Variants in CD6 observed in about 807,000 individuals in gnomAD.
CD6 encodes the protein T-cell differentiation antigen CD6.
A neutral mutation model predicts 75.3 loss-of-function variants in CD6; 53 were observed. The observed-to-expected ratio is 0.70, with a 90% CI of 0.56 to 0.88. CD6 has a LOEUF of 0.88. Ranked by LOEUF, CD6 falls within the 40% of genes least tolerant of loss-of-function variation. The pLI is 0.00. For missense variants in CD6, 770 were observed against 897.1 expected (o/e 0.86, Z 1.81); for synonymous variants, 359 against 381.5 (o/e 0.94, Z 0.69).
chr11:61,017,579 G>A (rs1859467623), intron 10 of CD6, 29 bp downstream of exon 10: 2 of 1,557,212 alleles, frequency 1.3e-6, no homozygotes, highest in Admixed American at 1.9e-5. Flanking sequence ...GGGTGTGAAT[G>A]GCAGTCCCAC....
At chr11:61,011,336 G>T (rs1484642774) in intron 6 of CD6, among the ~76,000 whole-genome samples, 1 of 152,080 alleles carries the variant, frequency 6.6e-6, no homozygotes, top group African/African-American at 2.4e-5. Flanking sequence ...TGCCAAGTCA[G>T]CCCATAGATC....
At chr11:60,980,069 T>C (rs1450224828) in intron 1 of CD6, among the ~76,000 whole-genome samples, 1 of 152,194 alleles carries the variant, frequency 6.6e-6, no homozygotes, top group Non-Finnish European at 1.5e-5. Context: ...CAGAAAGTTA[T>C]GTATTTTGTC....
chr11:61,006,094 A>T (rs1242228759), intron 1 of CD6, among the ~76,000 whole-genome samples: 1 of 152,206 alleles, frequency 6.6e-6, no homozygotes, highest in African/African-American at 2.4e-5. Context: ...TCTGATATGA[A>T]ATTCTCAAAC....
At chr11:60,985,906 A>G (rs911371979) in intron 1 of CD6, among the ~76,000 whole-genome samples, 13 of 152,260 alleles carry the variant, frequency 8.5e-5, no homozygotes, top group African/African-American at 2.9e-4. Context: ...TAATTTGTTT[A>G]CTGCATGATT....
Position 61,020,293 on chromosome 11 carries a change from C to T in CD6, c.*975C>T, listed in dbSNP as rs1859610960. On this transcript the variant is annotated 3_prime_UTR_variant, in exon 13 of 13. Transcript: ENST00000313421. The stretch of plus-strand genomic sequence containing the variant: ...GGGGCTGCAAACGTCTCCGTGCAGC[C>T]CCCAGAGAGAGGCCCATGGGCTCAG... 7.5e-6 allele frequency: 3 copies of T among 398,854 alleles called. No individual in the cohort carries two copies. The Admixed American group carries it at 1.3e-4, about 18-fold the overall frequency. 24.7% of individuals were successfully genotyped at this position (398,854 alleles called of 1,614,324 possible).
chr11:61,003,738 CA>C (rs1382178328), intron 1 of CD6, among the ~76,000 whole-genome samples: 1 of 151,960 alleles, frequency 6.6e-6, no homozygotes, highest in Non-Finnish European at 1.5e-5. Context: ...TGTCTCAAAA[CA>C]AAAAAGGTGA....
At chr11:60,991,172 C>T (rs1296787252) in intron 1 of CD6, among the ~76,000 whole-genome samples, 5 of 81,838 alleles carry the variant, frequency 6.1e-5, no homozygotes, top group South Asian at 4.0e-4. Flanking sequence ...TTTTTTGAGA[C>T]GGAGTTTCAC....
At chr11:61,009,403 G>C (rs939270868) in intron 4 of CD6, among the ~76,000 whole-genome samples, 169 bp from the exon 5 acceptor site, 1 of 152,226 alleles carries the variant, frequency 6.6e-6, no homozygotes, top group African/African-American at 2.4e-5. Context: ...AGCAGGGTTG[G>C]CCAGAGCAAA....
At chr11:61,017,298 C>A in intron 9 of CD6, 181 bp from the exon 10 acceptor site, 7 of 610,786 alleles carry the variant, frequency 1.1e-5, no homozygotes, top group Middle Eastern at 8.8e-4. Flanking sequence ...AAGGCGAAGG[C>A]TCTGCTGGAT....
intron 12 of CD6, 25 bp downstream of exon 12, chr11:61,018,418 T>C (rs1179373782): frequency 3.9e-6 from 6 of 1,533,512 alleles, no homozygotes; most frequent in Admixed American, 3.8e-5. Flanking sequence ...GGAAGGGATG[T>C]GGGAGGGGGA....
At position 61,005,357 on chromosome 11, in the gene CD6, C is replaced by A. The variant is rs539029316; in HGVS notation, c.50-1217C>A. On this transcript the variant is annotated intron_variant, in intron 1 of 12. Coordinates refer to ENST00000313421, the MANE Select transcript of CD6 (RefSeq NM_006725.5). ...GAGGGACACAGCCTACCCGAGGGAC[C>A]TCACAGGGGGGGCCAGAGGAATAAG... Among the ~76,000 whole-genome samples, 32 of 152,294 alleles carry A rather than the reference C, an allele frequency of 2.1e-4. No homozygotes were observed. In the South Asian group the frequency reaches 6.4e-3, roughly 31 times the overall value.
intron 1 of CD6, among the ~76,000 whole-genome samples, chr11:60,995,365 G>A (rs994236826): frequency 2.0e-5 from 3 of 151,922 alleles, no homozygotes; most frequent in Non-Finnish European, 4.4e-5. Flanking sequence ...GGCTGATCTC[G>A]AACTCCCGAC....
intron 1 of CD6, among the ~76,000 whole-genome samples, chr11:60,991,149 C>CTTTTTTT (rs58123378): frequency 1.5e-4 from 17 of 114,704 alleles, no homozygotes; most frequent in South Asian, 2.8e-4. Context: ...CTTTTTCTTT[C>CTTTTTTT]TTTTTTTTTT....
In CD6 at chr11:61,007,705, C is replaced by A; in HGVS notation, c.264C>A (p.Cys88Ter). 2 of 1,392,550 alleles carry A rather than the reference C, an allele frequency of 1.4e-6. No homozygotes were observed. Among genetic ancestry groups the A allele is most frequent in the South Asian group, 1.7e-5 (1 of 60,528 alleles). The allele number at this position is 1,392,550 out of a possible 1,614,324, so 86.3% of individuals were successfully genotyped here. The change falls in exon 3 of 13, where the codon TGC becomes TGA. Residue 88 changes from cysteine to a stop codon, truncating the protein, a stop_gained. Coordinates refer to ENST00000313421, the MANE Select transcript of CD6 (RefSeq NM_006725.5). LOFTEE classifies it high-confidence loss of function. This position sits in a 1 kb window ranked among gnomAD's most constrained non-coding sequence, Gnocchi z 4.2. ...AAEAVCRALG[C>*]GGAEAASQLA... ...AGGCCGTGTGCCGAGCACTGGGCTGCGGCGGGGCGGAGGCCGCCTCTCAGC... is the reference window on the plus strand; with the variant it reads ...AGGCCGTGTGCCGAGCACTGGGCTGAGGCGGGGCGGAGGCCGCCTCTCAGC...
At chr11:60,999,461 C>G (rs1000539480) in intron 1 of CD6, among the ~76,000 whole-genome samples, 1 of 150,724 alleles carries the variant, frequency 6.6e-6, no homozygotes, top group Non-Finnish European at 1.5e-5. Flanking sequence ...TCTGTGGGTC[C>G]TGGAAAACCT....
Position 61,007,455 on chromosome 11 carries a change from C to T in CD6, c.119-105C>T. The stretch of plus-strand genomic sequence containing the variant: ...CAGACTGGAAAGCTGAGACCCCTAG[C>T]CAGGCAGGGCGTTGTCAAAGTTCAC... On this transcript the variant is annotated intron_variant, in intron 2 of 12. Coordinates refer to ENST00000313421, the MANE Select transcript of CD6 (RefSeq NM_006725.5). The surrounding 1 kb of genome is among the most constrained non-coding windows in gnomAD (Gnocchi z 4.2). 1 of 914,644 alleles carries T rather than the reference C, an allele frequency of 1.1e-6. No homozygotes were observed. The highest frequency in any genetic ancestry group is 4.2e-5 in the Admixed American group (1 of 23,816). The allele number at this position is 914,644 out of a possible 1,614,324, so 56.7% of individuals were successfully genotyped here.
At chr11:60,994,166 C>T (rs1455113156) in intron 1 of CD6, among the ~76,000 whole-genome samples, 2 of 152,016 alleles carry the variant, frequency 1.3e-5, no homozygotes, top group East Asian at 1.9e-4. Flanking sequence ...TCTGGCCGGG[C>T]GCGGTGGCTC....
At chr11:61,009,360 C>G (rs1165481361) in intron 4 of CD6, among the ~76,000 whole-genome samples, 1 of 152,186 alleles carries the variant, frequency 6.6e-6, no homozygotes, top group Non-Finnish European at 1.5e-5. Context: ...CAGGCAATGC[C>G]GATGCTGCTG....
At position 60,986,683 on chromosome 11, in the gene CD6, T is replaced by C. The variant is rs375744372; in HGVS notation, c.49+14769T>C. Among the ~76,000 whole-genome samples, 12 of 152,304 alleles carry C rather than the reference T, an allele frequency of 7.9e-5. No individual in the cohort carries two copies. The South Asian group carries it at 1.0e-3, about 13-fold the overall frequency. On this transcript the variant is annotated intron_variant, in intron 1 of 12. Coordinates refer to ENST00000313421, the MANE Select transcript of CD6 (RefSeq NM_006725.5). ...CACATCTCTCCCTCTTACGGGTTCC[T>C]TCCCCCGCTCTCAACGCCCCTAATC...
Sources: allele counts gnomAD v4.1 joint callset (sites outside exome capture counted in the v4.1 genomes callset), GRCh38; gene constraint gnomAD v4.1.1; non-coding constraint Gnocchi (gnomAD v3.1); transcripts MANE v1.5; gene names NCBI Gene and HGNC (gene_info 2026-07-23, HGNC 2026-07-21).